Variants in B4GALNT2 observed in about 807,000 individuals in gnomAD.
B4GALNT2 encodes the protein N-acetylneuraminylgalactosylglucosyl-glucoside beta-1,4-N- acetylgalactosaminyltransferase 2.
Under a neutral mutation model 51.1 loss-of-function variants are expected in B4GALNT2, and 42 were observed. That is an observed-to-expected ratio of 0.82 (90% confidence interval 0.64 to 1.06). The LOEUF (loss-of-function observed/expected upper bound fraction) is 1.06. Ranked by LOEUF, B4GALNT2 falls within the 50% of genes least tolerant of loss-of-function variation. The pLI is 0.00. For synonymous variants in B4GALNT2, 253 were observed against 251.7 expected (o/e 1.01, Z -0.05); for missense variants, 602 against 633.6 (o/e 0.95, Z 0.54).
intron 3 of B4GALNT2, among the ~76,000 whole-genome samples, chr17:49,147,606 G>A (rs1406961832): frequency 1.3e-5 from 2 of 151,716 alleles, no homozygotes; most frequent in Non-Finnish European, 2.9e-5. Context: ...AAACTCCTGA[G>A]CTCAAGCAAT....
At chr17:49,140,959 C>T (rs975481432) in intron 1 of B4GALNT2, among the ~76,000 whole-genome samples, 3 of 151,912 alleles carry the variant, frequency 2.0e-5, no homozygotes, top group South Asian at 2.1e-4. Flanking sequence ...CCGCGTGATC[C>T]GCCTGCCTCG....
In B4GALNT2 at chr17:49,171,450, A is replaced by G; in HGVS notation, c.*1722A>G. The G allele has an allele frequency of 2.5e-6, 1 of 407,748 alleles. No individual in the cohort carries two copies. The highest frequency in any genetic ancestry group is 4.7e-6 in the Non-Finnish European group (1 of 212,552). 25.3% of individuals were successfully genotyped at this position (407,748 alleles called of 1,614,324 possible). A position where few individuals can be genotyped will look rare whatever the true frequency, so the allele number is the denominator to read the frequency against. ...TTTTAATTTTGCAATATGCAAAGAC[A>G]AGTTTGTAGAGTGTCCTTCTAGATG... On this transcript the variant is annotated 3_prime_UTR_variant, in exon 11 of 11. Transcript: ENST00000393354.
At position 49,171,796 on chromosome 17, in the gene B4GALNT2, A is replaced by T. The variant is rs556920746; in HGVS notation, c.*2068A>T. 11 of 415,110 alleles carry T rather than the reference A, an allele frequency of 2.6e-5. No homozygotes were observed. Among genetic ancestry groups the T allele is most frequent in the Non-Finnish European group, 3.7e-5 (8 of 214,584 alleles). The allele number at this position is 415,110 out of a possible 1,614,324, so 25.7% of individuals were successfully genotyped here. Reference sequence around the variant, plus strand: ...AGCACCTCTACCTGTTCTGCAATGCAATCTTCCCAAACAAGTACATTCATT... The same window carrying T: ...AGCACCTCTACCTGTTCTGCAATGCTATCTTCCCAAACAAGTACATTCATT... On this transcript the variant is annotated 3_prime_UTR_variant, in exon 11 of 11. Transcript: ENST00000393354.
chr17:49,148,685 G>T, intron 3 of B4GALNT2: 1 of 558,358 alleles, frequency 1.8e-6, no homozygotes, highest in South Asian at 2.3e-5. Context: ...CATGAAGGTC[G>T]GGCACCTTCT....
intron 3 of B4GALNT2, among the ~76,000 whole-genome samples, chr17:49,149,741 G>A (rs2144302150): frequency 6.6e-6 from 1 of 152,274 alleles, no homozygotes; most frequent in South Asian, 2.1e-4. Flanking sequence ...ACACATGCAA[G>A]CATTTCTCCT....
At chr17:49,146,388 G>GCAAC (rs1448686870) in intron 3 of B4GALNT2, among the ~76,000 whole-genome samples, 2 of 152,158 alleles carry the variant, frequency 1.3e-5, no homozygotes, top group East Asian at 3.9e-4. Context: ...TCAGCTAACT[G>GCAAC]CAACCTCCAC....
At chr17:49,160,130 T>C (rs2042849571) in intron 6 of B4GALNT2, among the ~76,000 whole-genome samples, 1 of 152,242 alleles carries the variant, frequency 6.6e-6, no homozygotes, top group East Asian at 1.9e-4. Flanking sequence ...ATGATATTCA[T>C]GACCACTAGC....
chr17:49,175,425 T>C lies in B4GALNT2; in HGVS notation c.*5697T>C, dbSNP rs1356751437. ...AAATATAACAATTTGAATTTCCCCATTGTAATCTGAATCAATGACTCCTGT... is the reference window on the plus strand; with the variant it reads ...AAATATAACAATTTGAATTTCCCCACTGTAATCTGAATCAATGACTCCTGT... On this transcript the variant is annotated 3_prime_UTR_variant, in exon 11 of 11. Coordinates refer to ENST00000393354, the MANE Select transcript of B4GALNT2 (RefSeq NM_001159387.2). 6.6e-6 allele frequency: 1 copy of C among 152,190 alleles called. No homozygotes were observed. Among genetic ancestry groups the C allele is most frequent in the African/African-American group, 2.4e-5 (1 of 41,438 alleles). 9.4% of individuals were successfully genotyped at this position (152,190 alleles called of 1,614,324 possible).
At position 49,176,284 on chromosome 17, in the gene B4GALNT2, G is replaced by A. The variant is rs561165748; in HGVS notation, c.*6556G>A. ...ACACACACACAGAAATATAGAGTGT[G>A]GAGTGGGAAATCAGGGGACTCACAG... On this transcript the variant is annotated 3_prime_UTR_variant, in exon 11 of 11. Coordinates refer to ENST00000393354, the MANE Select transcript of B4GALNT2 (RefSeq NM_001159387.2). 6.6e-6 allele frequency: 1 copy of A among 152,332 alleles called. No homozygotes were observed. The highest frequency in any genetic ancestry group is 2.1e-4 in the South Asian group (1 of 4,826). The allele number at this position is 152,332 out of a possible 1,614,324, so 9.4% of individuals were successfully genotyped here.
chr17:49,128,240 A>G (rs898830137), upstream of B4GALNT2, among the ~76,000 whole-genome samples: 1 of 152,192 alleles, frequency 6.6e-6, no homozygotes, highest in Admixed American at 6.5e-5. Context: ...CTTCACCCCC[A>G]GCCACTTTCC....
At chr17:49,131,711 A>T (rs1469208238), upstream of B4GALNT2, among the ~76,000 whole-genome samples, 7 of 152,048 alleles carry the variant, frequency 4.6e-5, no homozygotes, top group Non-Finnish European at 8.8e-5. Flanking sequence ...GGGTTTCACT[A>T]TGTTGCCCAG....
chr17:49,155,407 A>T (rs1382697021), intron 4 of B4GALNT2, among the ~76,000 whole-genome samples: 2 of 151,126 alleles, frequency 1.3e-5, no homozygotes, highest in Non-Finnish European at 2.9e-5. Context: ...GTTTGAAACC[A>T]GCCTGACCAA....
the B4GALNT2 span, among the ~76,000 whole-genome samples, chr17:49,126,650 CTTT>C: frequency 3.4e-5 from 3 of 88,020 alleles, no homozygotes; most frequent in Non-Finnish European, 7.7e-5. Flanking sequence ...TTCTTTCTTT[CTTT>C]TTTTTTTTTT....
intron 1 of B4GALNT2, among the ~76,000 whole-genome samples, chr17:49,138,581 A>G (rs1011046003): frequency 2.6e-5 from 4 of 152,170 alleles, no homozygotes; most frequent in Non-Finnish European, 5.9e-5. Flanking sequence ...TGCGTGGAGT[A>G]ATCAAACTTC....
At chr17:49,131,899 G>A (rs1372071332), upstream of B4GALNT2, among the ~76,000 whole-genome samples, 2 of 152,136 alleles carry the variant, frequency 1.3e-5, no homozygotes, top group Admixed American at 6.6e-5. Flanking sequence ...TTGGGAGGCC[G>A]AGACAGGACG....
At chr17:49,169,191 A>AT (rs563648678) in intron 10 of B4GALNT2, among the ~76,000 whole-genome samples, 2 of 150,162 alleles carry the variant, frequency 1.3e-5, no homozygotes, top group East Asian at 3.9e-4. Context: ...TTCATATTCT[A>AT]TTTTTTCAGA....
At chr17:49,143,298 A>C (rs1300543266) in intron 3 of B4GALNT2, among the ~76,000 whole-genome samples, 1 of 121,314 alleles carries the variant, frequency 8.2e-6, no homozygotes, top group Non-Finnish European at 1.7e-5. Flanking sequence ...ACAACAACAA[A>C]AACAAAAAAA....
At position 49,176,536 on chromosome 17, in the gene B4GALNT2, T is replaced by A. The variant is rs1342447081; in HGVS notation, c.*6808T>A. On this transcript the variant is annotated 3_prime_UTR_variant, in exon 11 of 11. Coordinates refer to ENST00000393354, the MANE Select transcript of B4GALNT2 (RefSeq NM_001159387.2). ...GTGGCTTAGGAACACCTTAAGAGGT[T>A]TTCCCCCCTGGGTGGGACAGGTGTT... 6.6e-6 allele frequency: 1 copy of A among 152,224 alleles called. No homozygotes were observed. Among genetic ancestry groups the A allele is most frequent in the Non-Finnish European group, 1.5e-5 (1 of 68,038 alleles). 9.4% of individuals were successfully genotyped at this position (152,224 alleles called of 1,614,324 possible). A position where few individuals can be genotyped will look rare whatever the true frequency, so the allele number is the denominator to read the frequency against.
chr17:49,127,705 AAC>A (rs1159721020), upstream of B4GALNT2, among the ~76,000 whole-genome samples: 1 of 152,230 alleles, frequency 6.6e-6, no homozygotes, highest in Non-Finnish European at 1.5e-5. Context: ...GGACTAGGAA[AAC>A]AGTTTCCAGG....
Sources: gnomAD v4.1 joint callset for allele counts (sites outside exome capture counted in the v4.1 genomes callset) on GRCh38, gnomAD v4.1.1 for gene constraint, MANE v1.5 for transcripts, NCBI Gene and HGNC (gene_info 2026-07-23, HGNC 2026-07-21) for gene names.